FBXL19: variants seen among roughly 807,000 people sequenced by gnomAD.
The protein encoded by FBXL19 is F-box and leucine rich repeat protein 19.
In FBXL19, 16 loss-of-function variants were observed where a neutral mutation model predicts 71.2. The observed-to-expected ratio is 0.22, with a 90% CI of 0.15 to 0.34. FBXL19 has a LOEUF of 0.34. FBXL19 is among the 10% of genes least tolerant of loss of function. The pLI, the probability that FBXL19 is intolerant of heterozygous loss-of-function variation, is 1.00. For missense variants in FBXL19, 658 were observed against 968.2 expected, an observed-to-expected ratio of 0.68 and a Z score of 4.25; for synonymous variants, 447 against 409.4, an observed-to-expected ratio of 1.09 and a Z score of -1.11.
intron 9 of FBXL19, among the ~76,000 whole-genome samples, chr16:30,945,533 A>G (rs962425967): frequency 6.6e-6 from 1 of 151,724 alleles, no homozygotes. Flanking sequence ...CGTGGTGGCA[A>G]ATGCTTTTAA....
In FBXL19 at chr16:30,927,956, G is replaced by A. The variant is rs1363762555; in HGVS notation, c.620G>A (p.Arg207Lys). ...REAGNEPPTP[R>K]KKVKGGRERH... ...GCAGGGAATGAGCCTCCCACCCCAA[G>A]GAAAAAGGTGAGCCACGGAGCACGC... Residue 207 changes from arginine (R) to lysine (K), a missense_variant, in exon 5 of 11, where the codon AGG becomes AAG. This residue lies in a region of FBXL19 where 447 missense variants were observed against 515.4 expected (regional missense o/e 0.87). Transcript: ENST00000338343. 2.0e-6 allele frequency: 3 copies of A among 1,520,150 alleles called. No homozygotes were observed. The highest frequency in any genetic ancestry group is 2.6e-6 in the Non-Finnish European group (3 of 1,142,040). The allele number at this position is 1,520,150 out of a possible 1,614,324, so 94.2% of individuals were successfully genotyped here.
chr16:30,927,568 T>TA lies in FBXL19; in HGVS notation c.322-4dup. ...ACCCCCCACTCACTGCCCTCCTGCC[T>TA]ACAGATGGGGAAGGCTGAGGGTGTC... On this transcript the variant is annotated splice_region_variant and splice_polypyrimidine_tract_variant and intron_variant, in intron 3 of 10. Coordinates refer to ENST00000338343, the MANE Select transcript of FBXL19 (RefSeq NM_001382779.1). 6.4e-7 allele frequency: 1 copy of TA among 1,556,764 alleles called. No individual in the cohort carries two copies. Among genetic ancestry groups the TA allele is most frequent in the Middle Eastern group, 1.7e-4 (1 of 5,998 alleles).
rs909738414 is a variant in FBXL19 at position 30,923,831 on chromosome 16, G to T, written c.-653G>T. 6.6e-6 allele frequency among the ~76,000 whole-genome samples: 1 copy of T among 150,698 alleles called. No homozygotes were observed. Among genetic ancestry groups the T allele is most frequent in the Admixed American group, 6.6e-5 (1 of 15,218 alleles). On this transcript the variant is annotated 5_prime_UTR_variant, in exon 1 of 11. Coordinates refer to ENST00000338343, the MANE Select transcript of FBXL19 (RefSeq NM_001382779.1). ...GAGGTCGGGGGTGCGCGCGGGCTGG[G>T]GGGGGCGGGGCCGGAGCAGCTTCCT...
At chr16:30,937,916 A>AGTGGGAGGAGTCGTGG (rs2055756869) in intron 7 of FBXL19, among the ~76,000 whole-genome samples, 1 of 152,104 alleles carries the variant, frequency 6.6e-6, no homozygotes, top group Non-Finnish European at 1.5e-5. Flanking sequence ...TGGCAGGGTC[A>AGTGGGAGGAGTCGTGG]CAGTGGGCAG....
chr16:30,924,597 C>T (rs760389888), intron 1 of FBXL19, 138 bp downstream of exon 1: 199 of 1,364,152 alleles, frequency 1.5e-4, no homozygotes, highest in Non-Finnish European at 1.7e-4. Context: ...AGCCCTCCTT[C>T]CTATGACCTC....
Position 30,925,783 on chromosome 16 carries a change from C to A in FBXL19, c.29C>A (p.Ala10Asp). ...TCGTCGAGCAGCCGGGGGCCGGGGGCCGGAGCGCGCCGACGCCGAACCCGC... is the reference window on the plus strand; with the variant it reads ...TCGTCGAGCAGCCGGGGGCCGGGGGACGGAGCGCGCCGACGCCGAACCCGC... MSSSSRGPG[A>D]GARRRRTRCR... Residue 10 changes from alanine (A) to aspartate (D), a missense_variant, in exon 2 of 11, where the codon GCC becomes GAC. By Grantham distance (126) the Ala-to-Asp change is moderately radical. Coordinates refer to ENST00000338343, the MANE Select transcript of FBXL19 (RefSeq NM_001382779.1). This position sits in a 1 kb window ranked among gnomAD's most constrained non-coding sequence, Gnocchi z 5.0. 1 of 1,487,568 alleles carries A rather than the reference C, an allele frequency of 6.7e-7. No individual in the cohort carries two copies. The highest frequency in any genetic ancestry group is 8.9e-7 in the Non-Finnish European group (1 of 1,123,008). 92.1% of individuals were successfully genotyped at this position (1,487,568 alleles called of 1,614,324 possible).
chr16:30,932,667 C>T (rs12928852), intron 7 of FBXL19, among the ~76,000 whole-genome samples: 81,024 of 151,700 alleles, frequency 0.53, 24,031 homozygotes, highest in East Asian at 0.91. Context: ...CTACAAAGCC[C>T]GCAGCACAGT....
Position 30,930,810 on chromosome 16 carries a change from C to T in FBXL19, c.1301+226C>T, listed in dbSNP as rs1486665214. Among the ~76,000 whole-genome samples the T allele has an allele frequency of 6.6e-6, 1 of 152,126 alleles. No individual in the cohort carries two copies. Among genetic ancestry groups the T allele is most frequent in the Non-Finnish European group, 1.5e-5 (1 of 68,010 alleles). On this transcript the variant is annotated intron_variant, in intron 7 of 10. Transcript: ENST00000338343. The surrounding 1 kb of genome is among the most constrained non-coding windows in gnomAD (Gnocchi z 8.5). ...CAACTTTGAGGTAGAGGTTATTTTCCCCTTTTTCAGATGAAGCTGAGGCCC... is the reference window on the plus strand; with the variant it reads ...CAACTTTGAGGTAGAGGTTATTTTCTCCTTTTTCAGATGAAGCTGAGGCCC...
upstream of FBXL19, chr16:30,923,170 G>A (rs1005592159): frequency 2.0e-5 from 9 of 456,568 alleles, no homozygotes; most frequent in Non-Finnish European, 4.0e-5. Flanking sequence ...ACACGCGGAG[G>A]GTTGTGGACA....
chr16:30,944,045 TG>T (rs1567342205), intron 9 of FBXL19, among the ~76,000 whole-genome samples: 1 of 151,488 alleles, frequency 6.6e-6, no homozygotes, highest in African/African-American at 2.4e-5. Context: ...GAGCTATGGG[TG>T]GGGGGTAAGG....
intron 7 of FBXL19, among the ~76,000 whole-genome samples, chr16:30,940,646 C>T (rs1427905633): frequency 6.6e-6 from 1 of 151,976 alleles, no homozygotes. Flanking sequence ...CTCCAGTTCA[C>T]TGCATGTTTT....
intron 1 of FBXL19, 141 bp downstream of exon 1, chr16:30,924,600 A>G (rs1567336783): frequency 3.7e-6 from 5 of 1,355,074 alleles, no homozygotes; most frequent in East Asian, 3.1e-5. Context: ...CCTCCTTCCT[A>G]TGACCTCTCC....
chr16:30,939,912 G>C lies in FBXL19; in HGVS notation c.1302-2204G>C, dbSNP rs548279450. Among the ~76,000 whole-genome samples, 11 of 151,936 alleles carry C rather than the reference G, an allele frequency of 7.2e-5. No homozygotes were observed. The South Asian group carries it at 2.3e-3, about 32-fold the overall frequency. On this transcript the variant is annotated intron_variant, in intron 7 of 10. Coordinates refer to ENST00000338343, the MANE Select transcript of FBXL19 (RefSeq NM_001382779.1). ...CCCTTGGGAGGCCAAGGGAAGGATC[G>C]CTTGAGCTCAGGAGTTCAAAACCAG...
Position 30,930,326 on chromosome 16 carries a change from G to T in FBXL19, c.1043G>T (p.Gly348Val), listed in dbSNP as rs748781025. 2 of 1,602,108 alleles carry T rather than the reference G, an allele frequency of 1.2e-6. No homozygotes were observed. Among genetic ancestry groups the T allele is most frequent in the Admixed American group, 3.4e-5 (2 of 59,444 alleles). Residue 348 changes from glycine to valine, a missense_variant, in exon 7 of 11, where the codon GGG becomes GTG. By Grantham distance (109) the Gly-to-Val change is moderately radical. This residue lies in a region of FBXL19 where 447 missense variants were observed against 515.4 expected (regional missense o/e 0.87). Transcript: ENST00000338343. The surrounding 1 kb of genome is among the most constrained non-coding windows in gnomAD (Gnocchi z 8.5). Reference sequence around the variant, plus strand: ...AGCTCTGGCGAGAAGGAGAACCGTGGGGGGCGGCGGGCTGTGCGCCCTGGC... The same window carrying T: ...AGCTCTGGCGAGAAGGAGAACCGTGTGGGGCGGCGGGCTGTGCGCCCTGGC... ...RGSSGEKENRGGRRAVRPGSG... is the reference protein window; with the variant it reads ...RGSSGEKENRVGRRAVRPGSG...
At chr16:30,936,948 G>A (rs1387471058) in intron 7 of FBXL19, among the ~76,000 whole-genome samples, 3 of 149,782 alleles carry the variant, frequency 2.0e-5, no homozygotes, top group Admixed American at 2.0e-4. Context: ...TCACTATGTT[G>A]GCCAGGCTGG....
At chr16:30,928,409 C>T (rs2055628714) in intron 5 of FBXL19, 58 bp from the exon 6 acceptor site, 4 of 1,457,206 alleles carry the variant, frequency 2.7e-6, no homozygotes, top group East Asian at 5.2e-5. Context: ...AGATTTCTGG[C>T]CCATGAGGGC....
At chr16:30,944,289 C>G (rs929727307) in intron 9 of FBXL19, among the ~76,000 whole-genome samples, 1 of 146,996 alleles carries the variant, frequency 6.8e-6, no homozygotes, top group Admixed American at 7.0e-5. Context: ...TTTGTTGTAC[C>G]GATTATTTCA....
At chr16:30,924,724 G>A (rs760529619) in intron 1 of FBXL19, 13 of 1,499,774 alleles carry the variant, frequency 8.7e-6, no homozygotes, top group Non-Finnish European at 1.1e-5. Context: ...GGGCCCCTTA[G>A]CCCCATGGAT....
chr16:30,942,295 C>T lies in FBXL19; in HGVS notation c.1465+16C>T, dbSNP rs749608090. 77 of 1,597,434 alleles carry T rather than the reference C, an allele frequency of 4.8e-5. No individual in the cohort carries two copies. The highest frequency in any genetic ancestry group is 2.4e-4 in the South Asian group (21 of 88,862). On this transcript the variant is annotated intron_variant, in intron 8 of 10. Transcript: ENST00000338343. This position sits in a 1 kb window ranked among gnomAD's most constrained non-coding sequence, Gnocchi z 5.7. The stretch of plus-strand genomic sequence containing the variant: ...CGACTACAAGGTAGGGTGTGTGGTA[C>T]GGAGGACAGGGTGGGGACAGGGACA...
Sources: gnomAD v4.1 joint callset for allele counts (sites outside exome capture counted in the v4.1 genomes callset) on GRCh38, gnomAD v4.1.1 for gene constraint, gnomAD v4.1.1 regional missense constraint, Gnocchi (gnomAD v3.1) non-coding constraint, MANE v1.5 for transcripts, NCBI Gene and HGNC (gene_info 2026-07-23, HGNC 2026-07-21) for gene names.